Variants in ANKRD30BL observed in about 807,000 individuals in gnomAD.
ANKRD30BL encodes the protein putative ankyrin repeat domain-containing protein 30B-like.
A neutral mutation model predicts 18.4 loss-of-function variants in ANKRD30BL; 20 were observed. That is an observed-to-expected ratio of 1.09 (90% CI 0.77 to 1.58). The LOEUF (loss-of-function observed/expected upper bound fraction) is 1.58. Ranked by LOEUF, ANKRD30BL falls within the 40% of genes most tolerant of loss-of-function variation. The pLI is 0.00. For missense variants in ANKRD30BL, 224 were observed against 268.6 expected (o/e 0.83, Z 1.16); for synonymous variants, 72 against 100.9 (o/e 0.71, Z 1.72).
chr2:132,221,013 C>T (rs1222764067), intron 1 of ANKRD30BL, among the ~76,000 whole-genome samples: 213 of 141,378 alleles, frequency 1.5e-3, no homozygotes, highest in African/African-American at 4.4e-3. Flanking sequence ...TCTGCCCCGC[C>T]GCCCTGTCTG....
At chr2:132,153,509 T>C (rs2104920217) in intron 4 of ANKRD30BL, 1 of 480,770 alleles carries the variant, frequency 2.1e-6, no homozygotes, top group South Asian at 1.5e-5. Flanking sequence ...AAAAACTACC[T>C]GAAACAAACT....
chr2:132,213,691 A>T (rs1679416196), intron 1 of ANKRD30BL, among the ~76,000 whole-genome samples: 1 of 152,226 alleles, frequency 6.6e-6, no homozygotes, highest in South Asian at 2.1e-4. Context: ...CTTCTTTGTG[A>T]TGTGTGCATT....
chr2:132,202,428 T>A (rs896942355), intron 1 of ANKRD30BL, among the ~76,000 whole-genome samples: 2 of 151,948 alleles, frequency 1.3e-5, no homozygotes, highest in Non-Finnish European at 2.9e-5. Context: ...CACTTCATTT[T>A]TATCCTCTTT....
rs1191512687 is a variant in ANKRD30BL, at chr2:132,214,894, T to G, written n.441+42635A>C. On this transcript the variant is annotated intron_variant and non_coding_transcript_variant, in intron 1 of 4. Coordinates refer to the ANKRD30BL transcript ENST00000470729. ...GAGCAACTTCTTTGTGATGTGTGCATTCATCTCACAGAGTTGAACATTTCT... is the reference window on the plus strand; with the variant it reads ...GAGCAACTTCTTTGTGATGTGTGCAGTCATCTCACAGAGTTGAACATTTCT... Among the ~76,000 whole-genome samples the G allele has an allele frequency of 2.6e-5, 4 of 152,176 alleles. No homozygotes were observed. In the East Asian group the frequency reaches 7.7e-4, roughly 29 times the overall value.
chr2:132,240,677 G>C (rs1680291620), intron 1 of ANKRD30BL, among the ~76,000 whole-genome samples: 1 of 151,814 alleles, frequency 6.6e-6, no homozygotes, highest in Non-Finnish European at 1.5e-5. Context: ...ATAAAAACTA[G>C]ACAGAAGCAT....
chr2:132,174,056 C>T (rs1232410641), intron 1 of ANKRD30BL, among the ~76,000 whole-genome samples: 5 of 152,206 alleles, frequency 3.3e-5, no homozygotes, highest in Non-Finnish European at 5.9e-5. Context: ...TCCCAACGAA[C>T]ATAACTAGGC....
chr2:132,175,880 TGGG>T, intron 1 of ANKRD30BL, among the ~76,000 whole-genome samples: 1 of 151,502 alleles, frequency 6.6e-6, no homozygotes, highest in East Asian at 1.9e-4. Context: ...GATCTCAAGG[TGGG>T]GGCAAAGAGG....
chr2:132,199,214 G>A (rs1185810915), intron 1 of ANKRD30BL, among the ~76,000 whole-genome samples: 1 of 152,022 alleles, frequency 6.6e-6, no homozygotes, highest in Admixed American at 6.5e-5. Flanking sequence ...AAAAAAATTA[G>A]CTTGGCTTGG....
chr2:132,203,203 C>T (rs1249028436), intron 1 of ANKRD30BL, among the ~76,000 whole-genome samples: 1 of 152,294 alleles, frequency 6.6e-6, no homozygotes, highest in Non-Finnish European at 1.5e-5. Context: ...AGTGTGCCAC[C>T]CACAAACACA....
chr2:132,197,401 CAA>C (rs1271971509), intron 1 of ANKRD30BL, among the ~76,000 whole-genome samples: 1 of 151,588 alleles, frequency 6.6e-6, no homozygotes, highest in South Asian at 2.1e-4. Context: ...ATGATTTCTT[CAA>C]AAAAAGTCTT....
chr2:132,202,871 G>C (rs1679136167), intron 1 of ANKRD30BL, among the ~76,000 whole-genome samples: 1 of 151,356 alleles, frequency 6.6e-6, no homozygotes, highest in African/African-American at 2.4e-5. Context: ...CCAAGATGAT[G>C]ATGACTTGAA....
chr2:132,232,727 A>G (rs990419952), intron 1 of ANKRD30BL, among the ~76,000 whole-genome samples: 1 of 152,220 alleles, frequency 6.6e-6, no homozygotes. Context: ...CCTGAAAGTG[A>G]TGGGGAGAAG....
chr2:132,232,478 A>G (rs1680049615), intron 1 of ANKRD30BL, among the ~76,000 whole-genome samples: 1 of 152,168 alleles, frequency 6.6e-6, no homozygotes. Context: ...ACCAATAGAG[A>G]GAAGTGCTTA....
chr2:132,242,025 C>A (rs1344245274), intron 1 of ANKRD30BL, among the ~76,000 whole-genome samples: 3 of 151,614 alleles, frequency 2.0e-5, no homozygotes, highest in Non-Finnish European at 4.4e-5. Context: ...AAGGAAATAT[C>A]TTCACGTAAA....
intron 1 of ANKRD30BL, among the ~76,000 whole-genome samples, chr2:132,248,157 C>A (rs1368850377): frequency 6.6e-6 from 1 of 152,068 alleles, no homozygotes; most frequent in Non-Finnish European, 1.5e-5. Flanking sequence ...GCAGATTGTA[C>A]AAAAAGACAG....
chr2:132,216,129 A>G (rs1307485974), intron 1 of ANKRD30BL, among the ~76,000 whole-genome samples: 1 of 152,180 alleles, frequency 6.6e-6, no homozygotes, highest in South Asian at 2.1e-4. Context: ...TTTTTGTAGA[A>G]TCTGCAAGTG....
At chr2:132,255,247 C>A (rs960686312) in intron 1 of ANKRD30BL, among the ~76,000 whole-genome samples, 2 of 152,196 alleles carry the variant, frequency 1.3e-5, no homozygotes, top group African/African-American at 4.8e-5. Flanking sequence ...CCAAGAATTT[C>A]ACCTCTAGCG....
At chr2:132,221,245 T>A (rs1303951916) in intron 1 of ANKRD30BL, among the ~76,000 whole-genome samples, 1 of 95,146 alleles carries the variant, frequency 1.1e-5, no homozygotes. Context: ...GGTGAGGGGC[T>A]CCTCTGCCCG....
At chr2:132,158,320 T>C (rs1279190782) in intron 1 of ANKRD30BL, among the ~76,000 whole-genome samples, 2 of 152,150 alleles carry the variant, frequency 1.3e-5, no homozygotes, top group Non-Finnish European at 2.9e-5. Context: ...TTATTCCATG[T>C]TTAGATTTAC....
Sources: gnomAD v4.1 joint callset for allele counts (sites outside exome capture counted in the v4.1 genomes callset) on GRCh38, gnomAD v4.1.1 for gene constraint, MANE v1.5 for transcripts, NCBI Gene and HGNC (gene_info 2026-07-23, HGNC 2026-07-21) for gene names.